VPS37C: variants seen among roughly 807,000 people sequenced by gnomAD.
VPS37C encodes VPS37C subunit of ESCRT-I.
In VPS37C, 9 loss-of-function variants were observed where a neutral mutation model predicts 16.1. The ratio of observed to expected loss-of-function variants is 0.56; its 90% CI spans 0.34 to 0.97. VPS37C has a LOEUF of 0.97. Ranked by LOEUF, VPS37C falls within the 50% of genes least tolerant of loss-of-function variation. The pLI, the probability that VPS37C is intolerant of heterozygous loss-of-function variation, is 0.02. For missense variants in VPS37C, 479 were observed against 472.7 expected (o/e 1.01, Z -0.12); for synonymous variants, 207 against 206.4 (o/e 1.00, Z -0.02).
At chr11:61,150,956 T>C (rs1351715907) in intron 1 of VPS37C, among the ~76,000 whole-genome samples, 1 of 152,184 alleles carries the variant, frequency 6.6e-6, no homozygotes, top group Non-Finnish European at 1.5e-5. Flanking sequence ...GGGTGTTCCG[T>C]ACACAGCAAC....
chr11:61,144,628 C>T (rs915601323), intron 1 of VPS37C: 13 of 152,350 alleles, frequency 8.5e-5, no homozygotes, highest in African/African-American at 3.1e-4. Context: ...AGTGACGTGA[C>T]AATGCACATC....
chr11:61,138,917 A>T lies in VPS37C; in HGVS notation c.-6-82T>A. Reference sequence around the variant, plus strand: ...CGAGCCTGTACATATGATTTATCAAAAACAAACTGGAGTTTTCCTGCGATA... The same window carrying T: ...CGAGCCTGTACATATGATTTATCAATAACAAACTGGAGTTTTCCTGCGATA... On this transcript the variant is annotated intron_variant, in intron 1 of 4. Coordinates refer to ENST00000301765, the MANE Select transcript of VPS37C (RefSeq NM_017966.5). 2.2e-6 allele frequency: 3 copies of T among 1,333,624 alleles called. No individual in the cohort carries two copies. In the East Asian group the frequency reaches 6.9e-5, roughly 31 times the overall value. 82.6% of individuals were successfully genotyped at this position (1,333,624 alleles called of 1,614,324 possible). A position where few individuals can be genotyped will look rare whatever the true frequency, so the allele number is the denominator to read the frequency against.
intron 1 of VPS37C, chr11:61,143,867 T>C (rs1861514710): frequency 6.6e-6 from 1 of 150,652 alleles, no homozygotes; most frequent in Non-Finnish European, 1.5e-5. Context: ...TCCATGTTGG[T>C]CAGGCTGGTC....
In VPS37C at chr11:61,134,118, C is replaced by T; in HGVS notation, c.183G>A (p.Glu61=). The T allele has an allele frequency of 6.2e-7, 1 of 1,614,074 alleles. No homozygotes were observed. Among genetic ancestry groups the T allele is most frequent in the Non-Finnish European group, 8.5e-7 (1 of 1,179,996 alleles). ...TATCCGAGAGGTTTGAGCGGCTGAT[C>T]TCCAGGGGACCCTGGAACTCCAAGT... ...ERNLEFQGPL[E]ISRSNLSDRY... The change falls in exon 3 of 5, where the codon GAG becomes GAA. Residue 61 remains glutamate, a synonymous_variant. Coordinates refer to ENST00000301765, the MANE Select transcript of VPS37C (RefSeq NM_017966.5).
At chr11:61,154,402 T>A (rs1490233471) in intron 1 of VPS37C, among the ~76,000 whole-genome samples, 2 of 152,130 alleles carry the variant, frequency 1.3e-5, no homozygotes. Context: ...ATCAAACTTC[T>A]AGAGATGAAA....
At chr11:61,138,599 G>T in intron 2 of VPS37C, 138 bp downstream of exon 2, 1 of 765,180 alleles carries the variant, frequency 1.3e-6, no homozygotes, top group Non-Finnish European at 2.1e-6. Context: ...ATTCCTCTGA[G>T]TCCAAACCAG....
chr11:61,131,846 G>C lies in VPS37C; in HGVS notation c.1042C>G (p.Pro348Ala), dbSNP rs1422425720. ...PAPPYGFPPP[P>A]GPAWPGY is the part of the protein sequence containing the mutation. ...TAATACCCAGGCCAGGCAGGCCCCGGCGGTGGTGGGAACCCATAGGGAGGG... is the reference window on the plus strand; with the variant it reads ...TAATACCCAGGCCAGGCAGGCCCCGCCGGTGGTGGGAACCCATAGGGAGGG... The change falls in exon 5 of 5, where the codon CCG (proline) becomes GCG (alanine). Residue 348 changes from proline to alanine, a missense_variant. By Grantham distance (27) the Pro-to-Ala change is conservative. Coordinates refer to ENST00000301765, the MANE Select transcript of VPS37C (RefSeq NM_017966.5). 2.4e-6 allele frequency: 3 copies of C among 1,262,054 alleles called. No individual in the cohort carries two copies. Among genetic ancestry groups the C allele is most frequent in the South Asian group, 7.4e-5 (2 of 27,066 alleles). The allele number at this position is 1,262,054 out of a possible 1,614,324, so 78.2% of individuals were successfully genotyped here.
chr11:61,157,523 T>A (rs1853396931), intron 1 of VPS37C, among the ~76,000 whole-genome samples: 1 of 152,226 alleles, frequency 6.6e-6, no homozygotes, highest in African/African-American at 2.4e-5. Context: ...TGCTTATTGG[T>A]CATTTGTGTA....
intron 1 of VPS37C, among the ~76,000 whole-genome samples, chr11:61,142,526 AC>A (rs1861489239): frequency 6.6e-6 from 1 of 152,116 alleles, no homozygotes; most frequent in African/African-American, 2.4e-5. Context: ...GAGCCACCAC[AC>A]CCAGAAGAGA....
Position 61,148,415 on chromosome 11 carries a change from C to T in VPS37C, c.-6-9580G>A, listed in dbSNP as rs895035768. Among the ~76,000 whole-genome samples, 3 of 152,282 alleles carry T rather than the reference C, an allele frequency of 2.0e-5. No homozygotes were observed. The South Asian group carries it at 6.2e-4, about 32-fold the overall frequency. On this transcript the variant is annotated intron_variant, in intron 1 of 4. Transcript: ENST00000301765. ...TTAAAAAGGAACTGGCCCCATCTTA[C>T]CCCGTATGTCAGAAACACCTGCTGT...
At chr11:61,132,637 C>G in intron 4 of VPS37C, 98 bp from the exon 5 acceptor site, 2 of 1,482,240 alleles carry the variant, frequency 1.3e-6, no homozygotes, top group South Asian at 1.4e-5. Flanking sequence ...TCCCACCTCA[C>G]GCCGCCTCAG....
rs1360493091 is a variant in VPS37C, at chr11:61,134,148, C to T, written c.153G>A (p.Glu51=). 1.9e-6 allele frequency: 3 copies of T among 1,613,938 alleles called. No homozygotes were observed. Among genetic ancestry groups the T allele is most frequent in the Non-Finnish European group, 1.7e-6 (2 of 1,179,992 alleles). The change falls in exon 3 of 5, where the codon GAG becomes GAA. Residue 51 remains glutamate, a synonymous_variant. Transcript: ENST00000301765. ...MALATNRSLA[E]RNLEFQGPLE... The stretch of plus-strand genomic sequence containing the variant: ...GGGGACCCTGGAACTCCAAGTTCCG[C>T]TCTGCCAGGCTCCGGTTGGTGGCCA...
At chr11:61,137,203 T>C (rs779806290) in intron 2 of VPS37C, among the ~76,000 whole-genome samples, 9 of 152,162 alleles carry the variant, frequency 5.9e-5, no homozygotes, top group Non-Finnish European at 1.3e-4. Context: ...GCCGTGTCCA[T>C]GTCCCGAACT....
chr11:61,145,728 C>A (rs528745546), intron 1 of VPS37C, among the ~76,000 whole-genome samples: 27 of 152,336 alleles, frequency 1.8e-4, no homozygotes, highest in African/African-American at 6.5e-4. Flanking sequence ...GGGACAAGTC[C>A]AAAGTGACAC....
chr11:61,133,474 T>C (rs1199109582), intron 3 of VPS37C, 137 bp from the exon 4 acceptor site: 1 of 814,820 alleles, frequency 1.2e-6, no homozygotes, highest in East Asian at 2.7e-5. Flanking sequence ...CTGGGTGGGC[T>C]TGATGAGCAC....
intron 1 of VPS37C, chr11:61,143,877 C>G (rs1200214876): frequency 6.6e-6 from 1 of 152,142 alleles, no homozygotes; most frequent in African/African-American, 2.4e-5. Flanking sequence ...TCAGGCTGGT[C>G]TCGAACTCCT....
In VPS37C at chr11:61,138,781, T is replaced by C. The variant is rs1225367105; in HGVS notation, c.49A>G (p.Asn17Asp). 6.2e-7 allele frequency: 1 copy of C among 1,613,962 alleles called. No individual in the cohort carries two copies. The highest frequency in any genetic ancestry group is 2.2e-5 in the East Asian group (1 of 44,892). ...KTLQELEELQ[N>D]DSEAIDQLAL... ...AGCTGGTCAATCGCCTCCGAGTCAT[T>C]CTGCAACTCCTCCAGCTCCTGCAGG... Residue 17 changes from asparagine to aspartate, a missense_variant, in exon 2 of 5, where the codon AAT (asparagine) becomes GAT (aspartate). Asn to Asp is a conservative substitution (Grantham distance 23). Coordinates refer to ENST00000301765, the MANE Select transcript of VPS37C (RefSeq NM_017966.5).
At chr11:61,147,580 A>G (rs1853231024) in intron 1 of VPS37C, among the ~76,000 whole-genome samples, 1 of 150,144 alleles carries the variant, frequency 6.7e-6, no homozygotes. Flanking sequence ...AGCCTTCCAG[A>G]TCTGTTTTTA....
At chr11:61,141,576 C>T (rs1458975621) in intron 1 of VPS37C, among the ~76,000 whole-genome samples, 1 of 152,170 alleles carries the variant, frequency 6.6e-6, no homozygotes, top group Non-Finnish European at 1.5e-5. Flanking sequence ...CAGCCAGAGA[C>T]AGTTCAAGTC....
Sources: allele counts gnomAD v4.1 joint callset (sites outside exome capture counted in the v4.1 genomes callset), GRCh38; gene constraint gnomAD v4.1.1; transcripts MANE v1.5; gene names NCBI Gene and HGNC (gene_info 2026-07-23, HGNC 2026-07-21).